Variants in ZC3H14 observed in about 807,000 individuals in gnomAD.
ZC3H14 encodes zinc finger CCCH-type containing 14.
In ZC3H14, 31 loss-of-function variants were observed where a neutral mutation model predicts 92.4. That is an observed-to-expected ratio of 0.34 (90% CI 0.25 to 0.45). ZC3H14 has a LOEUF of 0.45. Among genes scored for constraint, ZC3H14 ranks in the 20% least tolerant of loss-of-function variants. The pLI, the probability that ZC3H14 is intolerant of heterozygous loss-of-function variation, is 1.00. For synonymous variants in ZC3H14, 321 were observed against 300.9 expected (o/e 1.07, Z -0.69); for missense variants, 781 against 897.3 (o/e 0.87, Z 1.66).
In ZC3H14 at chr14:88,602,868, A is replaced by G. The variant is rs753861313; in HGVS notation, c.1555A>G (p.Ile519Val). 1 of 1,614,190 alleles carries G rather than the reference A, an allele frequency of 6.2e-7. No homozygotes were observed. Among genetic ancestry groups the G allele is most frequent in the South Asian group, 1.1e-5 (1 of 91,086 alleles). Residue 519 changes from isoleucine (I) to valine (V), a missense_variant, in exon 12 of 17, where the codon ATA becomes GTA. Physicochemically the swap from Ile to Val is conservative, Grantham distance 29 (BLOSUM62 3). Around this residue, in one of 3 missense-constraint regions of ZC3H14, gnomAD observed 221 missense variants for 304.7 expected, o/e 0.73. Transcript: ENST00000251038. ...AGATAAACCTGCAAGTCCCAAGTTT[A>G]TAGTGACGCTGGATGGTGTCCCCAG... ...QPDKPASPKF[I>V]VTLDGVPSPP...
intron 9 of ZC3H14, chr14:88,594,337 T>TTG (rs2083523632): frequency 1.0e-6 from 1 of 965,916 alleles, no homozygotes; most frequent in South Asian, 4.2e-5. Flanking sequence ...AGAAAATTCT[T>TTG]TGTGTGACAC....
At chr14:88,567,347 C>T (rs929642757) in intron 2 of ZC3H14, among the ~76,000 whole-genome samples, 2 of 151,218 alleles carry the variant, frequency 1.3e-5, no homozygotes, top group African/African-American at 4.8e-5. Flanking sequence ...AATCTCCTAA[C>T]CTTGTGATCT....
Position 88,611,844 on chromosome 14 carries a change from T to C in ZC3H14, c.*93T>C. 1 of 1,526,838 alleles carries C rather than the reference T, an allele frequency of 6.5e-7. No homozygotes were observed. Among genetic ancestry groups the C allele is most frequent in the Admixed American group, 1.7e-5 (1 of 57,994 alleles). The allele number at this position is 1,526,838 out of a possible 1,614,324, so 94.6% of individuals were successfully genotyped here. A position where few individuals can be genotyped will look rare whatever the true frequency, so the allele number is the denominator to read the frequency against. ...ACAGAACTTGTCAAATCTTTGAAAC[T>C]TGGAATATATTGCTTTCATAATATG... On this transcript the variant is annotated 3_prime_UTR_variant, in exon 17 of 17. Transcript: ENST00000251038.
rs548038372 is a variant in ZC3H14 at position 88,572,934 on chromosome 14, C to G, written c.788C>G (p.Pro263Arg). ...WVYETGRLCE[P>R]EVLNSLEETY... ...TATGAAACAGGACGTTTGTGTGAACCAGAGGTGCTTAACAGCTTAGAAGAA... is the reference window on the plus strand; with the variant it reads ...TATGAAACAGGACGTTTGTGTGAACGAGAGGTGCTTAACAGCTTAGAAGAA... The change falls in exon 6 of 17, where the codon CCA becomes CGA. Residue 263 changes from proline (P) to arginine (R), a missense_variant. Transcript: ENST00000251038. 3.7e-5 allele frequency: 60 copies of G among 1,614,090 alleles called. 1 individual carries two copies. The South Asian group carries it at 6.5e-4, about 17-fold the overall frequency.
At position 88,580,031 on chromosome 14, in the gene ZC3H14, C is replaced by T. The variant is rs144594307; in HGVS notation, c.1279+1891C>T. Among the ~76,000 whole-genome samples the T allele has an allele frequency of 3.6e-3, 544 of 152,100 alleles. 5 individuals carry two copies. Among genetic ancestry groups the T allele is most frequent in the Middle Eastern group, 0.01 (3 of 294 alleles). Reference sequence around the variant, plus strand: ...TGGGCAGCATAGCAAAACCCTGTCTCGACAAAAAATAAAAATATTAGCTGG... The same window carrying T: ...TGGGCAGCATAGCAAAACCCTGTCTTGACAAAAAATAAAAATATTAGCTGG... On this transcript the variant is annotated intron_variant, in intron 9 of 16. Transcript: ENST00000251038.
intron 3 of ZC3H14, 45 bp from the exon 4 acceptor site, chr14:88,571,038 CT>C: frequency 6.9e-7 from 1 of 1,455,642 alleles, no homozygotes; most frequent in Non-Finnish European, 9.2e-7. Flanking sequence ...GAAATGAAAT[CT>C]TTCTTAACAG....
In ZC3H14 at chr14:88,617,110, T is replaced by C; in HGVS notation, c.*5359T>C. The C allele has an allele frequency of 2.6e-6, 1 of 388,650 alleles. No homozygotes were observed. Among genetic ancestry groups the C allele is most frequent in the Non-Finnish European group, 4.6e-6 (1 of 216,496 alleles). The allele number at this position is 388,650 out of a possible 1,614,324, so 24.1% of individuals were successfully genotyped here. On this transcript the variant is annotated 3_prime_UTR_variant, in exon 17 of 17. Coordinates refer to ENST00000251038, the MANE Select transcript of ZC3H14 (RefSeq NM_024824.5). ...GGTTTCTAGATTAATCTTTTTAAGA[T>C]TAAAGTAGTACTTTATGAAAACTGA...
At position 88,615,799 on chromosome 14, in the gene ZC3H14, G is replaced by T. The variant is rs1473031635; in HGVS notation, c.*4048G>T. 3 of 1,607,916 alleles carry T rather than the reference G, an allele frequency of 1.9e-6. No individual in the cohort carries two copies. Among genetic ancestry groups the T allele is most frequent in the African/African-American group, 1.3e-5 (1 of 74,826 alleles). On this transcript the variant is annotated 3_prime_UTR_variant, in exon 17 of 17. Coordinates refer to ENST00000251038, the MANE Select transcript of ZC3H14 (RefSeq NM_024824.5). ...AATTCTGGTCTCAAAGTTAATTTCT[G>T]TAGTCATCTCAGCATCTCTCAGTGA...
chr14:88,565,385 C>T (rs1354174182), intron 2 of ZC3H14, among the ~76,000 whole-genome samples: 3 of 152,042 alleles, frequency 2.0e-5, no homozygotes, highest in Non-Finnish European at 2.9e-5. Context: ...TTGTGATTCG[C>T]GTGCCTCAGC....
rs1427644467 is a variant in ZC3H14 at position 88,617,876 on chromosome 14, G to A, written c.*6125G>A. 6.3e-6 allele frequency: 1 copy of A among 159,794 alleles called. No individual in the cohort carries two copies. Among genetic ancestry groups the A allele is most frequent in the East Asian group, 1.8e-4 (1 of 5,548 alleles). 9.9% of individuals were successfully genotyped at this position (159,794 alleles called of 1,614,324 possible). On this transcript the variant is annotated 3_prime_UTR_variant, in exon 17 of 17. Coordinates refer to ENST00000251038, the MANE Select transcript of ZC3H14 (RefSeq NM_024824.5). Reference sequence around the variant, plus strand: ...AATTTGGAAGCTTTGACTTCTAATAGATTCAAGATAGCATTCCTTTAGATA... The same window carrying A: ...AATTTGGAAGCTTTGACTTCTAATAAATTCAAGATAGCATTCCTTTAGATA...
chr14:88,602,026 C>T lies in ZC3H14; in HGVS notation c.1457C>T (p.Ser486Leu), dbSNP rs1201447058. ...GTAGTAGTGGCACCAAACCAAGAGT[C>T]GGGGATGAAGACTGCAGATTCCCTT... ...EEVVVAPNQE[S>L]GMKTADSLRV... The change falls in exon 11 of 17, where the codon TCG becomes TTG. Residue 486 changes from serine to leucine, a missense_variant. Physicochemically the swap from Ser to Leu is moderately radical, Grantham distance 145 (BLOSUM62 -2). Transcript: ENST00000251038. 3 of 1,613,952 alleles carry T rather than the reference C, an allele frequency of 1.9e-6. No homozygotes were observed. The highest frequency in any genetic ancestry group is 2.2e-5 in the East Asian group (1 of 44,898).
intron 2 of ZC3H14, among the ~76,000 whole-genome samples, chr14:88,566,935 A>T (rs1177770571): frequency 6.6e-6 from 1 of 151,758 alleles, no homozygotes; most frequent in East Asian, 1.9e-4. Flanking sequence ...AAAAAAAAAA[A>T]AAAGAGAACT....
chr14:88,600,332 C>T (rs2084432141), intron 10 of ZC3H14, among the ~76,000 whole-genome samples: 1 of 152,236 alleles, frequency 6.6e-6, no homozygotes, highest in Non-Finnish European at 1.5e-5. Flanking sequence ...ACCCTCTGTC[C>T]CGGGCAACAG....
Position 88,624,863 on chromosome 14 carries a change from G to T in ZC3H14, c.*13112G>T. Reference sequence around the variant, plus strand: ...AAAGGAGAAGCATATGAGGAGGAAGGTCGGAGAGGACACTCTGTGTAGCCT... The same window carrying T: ...AAAGGAGAAGCATATGAGGAGGAAGTTCGGAGAGGACACTCTGTGTAGCCT... On this transcript the variant is annotated 3_prime_UTR_variant, in exon 17 of 17. Coordinates refer to ENST00000251038, the MANE Select transcript of ZC3H14 (RefSeq NM_024824.5). 3 of 1,178,620 alleles carry T rather than the reference G, an allele frequency of 2.5e-6. No homozygotes were observed. Among genetic ancestry groups the T allele is most frequent in the Non-Finnish European group, 3.5e-6 (3 of 856,474 alleles). 73.0% of individuals were successfully genotyped at this position (1,178,620 alleles called of 1,614,324 possible).
chr14:88,627,500 A>C lies in ZC3H14; in HGVS notation c.*15749A>C. On this transcript the variant is annotated 3_prime_UTR_variant, in exon 17 of 17. Transcript: ENST00000251038. ...TGGGCTTTTAAAGTGAAATATACCT[A>C]CAGTACCACTGTGTACAGTATATTG... The C allele has an allele frequency of 1.4e-6, 1 of 703,910 alleles. No individual in the cohort carries two copies. The highest frequency in any genetic ancestry group is 2.2e-6 in the Non-Finnish European group (1 of 453,668). 43.6% of individuals were successfully genotyped at this position (703,910 alleles called of 1,614,324 possible).
In ZC3H14 at chr14:88,613,983, CT is replaced by C. The variant is rs1346807470; in HGVS notation, c.*2234del. On this transcript the variant is annotated 3_prime_UTR_variant, in exon 17 of 17. Coordinates refer to ENST00000251038, the MANE Select transcript of ZC3H14 (RefSeq NM_024824.5). ...TGACAGCAGCAGTGATTAAGGCTGA[CT>C]TAATCAGGTTGGCCACTTTGAAGGA... is the stretch of plus-strand genomic sequence containing the variant. 2.6e-5 allele frequency: 4 copies of C among 152,200 alleles called. No homozygotes were observed. Among genetic ancestry groups the C allele is most frequent in the Non-Finnish European group, 5.9e-5 (4 of 68,038 alleles). The allele number at this position is 152,200 out of a possible 1,614,324, so 9.4% of individuals were successfully genotyped here.
At chr14:88,584,449 A>T (rs1174126182) in intron 9 of ZC3H14, among the ~76,000 whole-genome samples, 1 of 152,262 alleles carries the variant, frequency 6.6e-6, no homozygotes, top group Non-Finnish European at 1.5e-5. Context: ...ATGAAGTTTA[A>T]TTTATCAAAA....
chr14:88,614,926 GTGAATT>G lies in ZC3H14; in HGVS notation c.*3177_*3182del, dbSNP rs1292655194. On this transcript the variant is annotated 3_prime_UTR_variant, in exon 17 of 17. Transcript: ENST00000251038. Reference sequence around the variant, plus strand: ...GATTAAATTGTATAATGTTGTATATGTGAATTTAACACTTTTGTTTACATGTTAAAC... The same window carrying G: ...GATTAAATTGTATAATGTTGTATATGTAACACTTTTGTTTACATGTTAAAC... 6.6e-6 allele frequency: 1 copy of G among 152,156 alleles called. No individual in the cohort carries two copies. The highest frequency in any genetic ancestry group is 1.9e-4 in the East Asian group (1 of 5,198). 9.4% of individuals were successfully genotyped at this position (152,156 alleles called of 1,614,324 possible). A position where few individuals can be genotyped will look rare whatever the true frequency, so the allele number is the denominator to read the frequency against.
At chr14:88,588,456 C>G (rs1384767133) in intron 9 of ZC3H14, among the ~76,000 whole-genome samples, 4 of 152,172 alleles carry the variant, frequency 2.6e-5, no homozygotes, top group Non-Finnish European at 5.9e-5. Context: ...TTCTTCAGAA[C>G]TTTGAAGGCA....
Sources: gnomAD v4.1 joint callset for allele counts (sites outside exome capture counted in the v4.1 genomes callset) on GRCh38, gnomAD v4.1.1 for gene constraint, gnomAD v4.1.1 regional missense constraint, MANE v1.5 for transcripts, NCBI Gene and HGNC (gene_info 2026-07-23, HGNC 2026-07-21) for gene names.